Variants in TMEM74 observed in about 807,000 individuals in gnomAD.
The protein encoded by TMEM74 is transmembrane protein 74.
In TMEM74, 13 loss-of-function variants were observed where a neutral mutation model predicts 18.1. That is an observed-to-expected ratio of 0.72 (90% CI 0.47 to 1.14). The LOEUF is 1.14. Among genes scored for constraint, TMEM74 ranks in the 50% most tolerant of loss-of-function variants. The pLI, the probability that TMEM74 is intolerant of heterozygous loss-of-function variation, is 0.00. For synonymous variants in TMEM74, 159 were observed against 146.6 expected (o/e 1.08, Z -0.61); for missense variants, 372 against 375.9 (o/e 0.99, Z 0.09).
Position 108,779,766 on chromosome 8 carries a change from T to C in TMEM74, c.*4415A>G, listed in dbSNP as rs1814280121. ...AATATAGTCCAAATGCACATAGACT[T>C]GAGTGCACATAAATCTGCACACAAA... On this transcript the variant is annotated 3_prime_UTR_variant, in exon 2 of 2. Coordinates refer to ENST00000297459, the MANE Select transcript of TMEM74 (RefSeq NM_153015.3). Among the ~76,000 whole-genome samples, 4 of 152,192 alleles carry C rather than the reference T, an allele frequency of 2.6e-5. No homozygotes were observed. The South Asian group carries it at 8.3e-4, about 32-fold the overall frequency.
chr8:108,763,829 T>A (rs528405729), intron 1 of TMEM74, among the ~76,000 whole-genome samples: 1 of 152,322 alleles, frequency 6.6e-6, no homozygotes, highest in South Asian at 2.1e-4. Context: ...ACAATTTGCA[T>A]AGTCTCAGGA....
At chr8:108,759,264 T>C (rs1042025912) in intron 1 of TMEM74, among the ~76,000 whole-genome samples, 7 of 152,082 alleles carry the variant, frequency 4.6e-5, no homozygotes, top group African/African-American at 1.7e-4. Flanking sequence ...GGATTAAGTA[T>C]TAAGAAAAGT....
chr8:108,620,554 A>C (rs1271797056), intron 2 of TMEM74, among the ~76,000 whole-genome samples: 1 of 152,178 alleles, frequency 6.6e-6, no homozygotes, highest in Non-Finnish European at 1.5e-5. Flanking sequence ...ATCAGGCCCC[A>C]AGAAGTTGAT....
intron 1 of TMEM74, among the ~76,000 whole-genome samples, chr8:108,785,803 G>T (rs1252258894): frequency 6.6e-6 from 1 of 152,150 alleles, no homozygotes; most frequent in Non-Finnish European, 1.5e-5. Context: ...ACACAGCCCT[G>T]TATTTACAAG....
chr8:108,763,418 G>T (rs1489818474), intron 1 of TMEM74, among the ~76,000 whole-genome samples: 1 of 152,044 alleles, frequency 6.6e-6, no homozygotes, highest in Admixed American at 6.6e-5. Flanking sequence ...GAAATAGTTT[G>T]CATAGTACTC....
intron 1 of TMEM74, among the ~76,000 whole-genome samples, chr8:108,707,190 TG>T (rs1244902275): frequency 9.3e-4 from 4 of 4,292 alleles, no homozygotes; most frequent in African/African-American, 4.4e-3. Context: ...TGTCGGGGGG[TG>T]GGGGGTAGGG....
intron 1 of TMEM74, among the ~76,000 whole-genome samples, chr8:108,764,039 G>A (rs145841375): frequency 4.6e-5 from 7 of 152,222 alleles, no homozygotes; most frequent in African/African-American, 1.7e-4. Context: ...GAGGGTGGAA[G>A]TTCTGAGAAT....
At chr8:108,776,068 A>T (rs989043425), downstream of TMEM74, among the ~76,000 whole-genome samples, 1 of 152,252 alleles carries the variant, frequency 6.6e-6, no homozygotes, top group Non-Finnish European at 1.5e-5. Flanking sequence ...ATAAATGGCA[A>T]TGAAGAACAG....
intron 1 of TMEM74, among the ~76,000 whole-genome samples, chr8:108,704,414 A>G (rs1469278799): frequency 6.6e-6 from 1 of 152,214 alleles, no homozygotes; most frequent in Non-Finnish European, 1.5e-5. Context: ...GAGCGGTCTC[A>G]AGCAGTGCCT....
intron 1 of TMEM74, among the ~76,000 whole-genome samples, chr8:108,688,270 C>T (rs576249778): frequency 1.3e-5 from 2 of 152,292 alleles, no homozygotes; most frequent in African/African-American, 2.4e-5. Context: ...ATATATTATT[C>T]GACCAGAAAA....
At chr8:108,723,312 C>T (rs1813603871) in intron 1 of TMEM74, among the ~76,000 whole-genome samples, 1 of 152,142 alleles carries the variant, frequency 6.6e-6, no homozygotes, top group Non-Finnish European at 1.5e-5. Context: ...ACAATAATTT[C>T]AATTATTTCA....
intron 1 of TMEM74, among the ~76,000 whole-genome samples, chr8:108,756,654 A>G (rs867263855): frequency 0.041 from 2,080 of 50,128 alleles, 115 homozygotes; most frequent in Middle Eastern, 0.087. Context: ...AAGAAAGAGA[A>G]AGAAAGAAAG....
intron 1 of TMEM74, among the ~76,000 whole-genome samples, chr8:108,757,125 C>T (rs1168828147): frequency 6.6e-6 from 1 of 152,056 alleles, no homozygotes; most frequent in Admixed American, 6.6e-5. Flanking sequence ...TAGAATATAT[C>T]CTGTTCTTAC....
At chr8:108,772,727 C>T (rs1814186934) in intron 1 of TMEM74, among the ~76,000 whole-genome samples, 1 of 151,806 alleles carries the variant, frequency 6.6e-6, no homozygotes, top group Non-Finnish European at 1.5e-5. Context: ...TGGGAAGGCT[C>T]AGCTACACCA....
chr8:108,702,352 A>AG (rs902494160), intron 1 of TMEM74, among the ~76,000 whole-genome samples: 1 of 151,276 alleles, frequency 6.6e-6, no homozygotes, highest in African/African-American at 2.4e-5. Context: ...CTAAAAAAAA[A>AG]AAAAAAAAAA....
chr8:108,622,504 G>C (rs147281676), intron 2 of TMEM74, among the ~76,000 whole-genome samples: 99 of 152,222 alleles, frequency 6.5e-4, no homozygotes, highest in African/African-American at 2.4e-3. Context: ...TTGAGATACT[G>C]TATACTTAGG....
intron 1 of TMEM74, among the ~76,000 whole-genome samples, chr8:108,694,738 T>C (rs961760960): frequency 5.3e-5 from 8 of 152,182 alleles, no homozygotes; most frequent in Non-Finnish European, 1.2e-4. Context: ...TTTATAGAGA[T>C]TTATTATAAG....
At chr8:108,651,708 G>T (rs907109100) in intron 2 of TMEM74, among the ~76,000 whole-genome samples, 3 of 151,978 alleles carry the variant, frequency 2.0e-5, no homozygotes, top group African/African-American at 7.2e-5. Context: ...TCTTCCTGGT[G>T]GTGCCTAGAG....
intron 1 of TMEM74, among the ~76,000 whole-genome samples, chr8:108,666,189 G>A (rs1272553035): frequency 6.6e-6 from 1 of 152,090 alleles, no homozygotes; most frequent in Non-Finnish European, 1.5e-5. Flanking sequence ...TGGTGATATA[G>A]TCTTCCAAAA....
Sources: gnomAD v4.1 joint callset for allele counts (sites outside exome capture counted in the v4.1 genomes callset) on GRCh38, gnomAD v4.1.1 for gene constraint, MANE v1.5 for transcripts, NCBI Gene and HGNC (gene_info 2026-07-23, HGNC 2026-07-21) for gene names.